ZNF536: variants seen among roughly 807,000 people sequenced by gnomAD.
The protein encoded by ZNF536 is zinc finger protein 536.
ZNF536 carries 13 observed loss-of-function variants against 84.5 expected under a neutral mutation model. The observed-to-expected ratio is 0.15, with a 90% CI of 0.10 to 0.24. The LOEUF (loss-of-function observed/expected upper bound fraction) is 0.24. ZNF536 is among the 10% of genes least tolerant of loss of function. The probability of loss-of-function intolerance (pLI) is 1.00; values close to 1 mark genes in which losing one functional copy is unlikely to be tolerated. For synonymous variants in ZNF536, 811 were observed against 742.5 expected (o/e 1.09, Z -1.50); for missense variants, 1,536 against 1,747.5 (o/e 0.88, Z 2.16).
intron 2 of ZNF536, among the ~76,000 whole-genome samples, chr19:30,530,847 G>T (rs956769522): frequency 3.3e-5 from 5 of 152,230 alleles, no homozygotes; most frequent in African/African-American, 4.8e-5. Context: ...AAGAGCAGAT[G>T]CACGTTCCCC....
At chr19:30,690,780 A>G (rs1022991756) in intron 1 of ZNF536, among the ~76,000 whole-genome samples, 21 of 152,174 alleles carry the variant, frequency 1.4e-4, no homozygotes, top group Admixed American at 1.3e-3. Flanking sequence ...GACTTACCTT[A>G]CAATTTGTGT....
At chr19:30,646,640 T>C (rs2049481395) in intron 1 of ZNF536, among the ~76,000 whole-genome samples, 2 of 152,200 alleles carry the variant, frequency 1.3e-5, no homozygotes, top group South Asian at 2.1e-4. Context: ...CACCTTTATT[T>C]GTGTTAATTA....
intron 1 of ZNF536, among the ~76,000 whole-genome samples, chr19:30,375,528 G>T (rs1399820708): frequency 6.6e-6 from 1 of 152,190 alleles, no homozygotes; most frequent in Non-Finnish European, 1.5e-5. Flanking sequence ...CTCTGCTGGG[G>T]AGCTCACCCC....
chr19:30,528,924 CAAA>C (rs75657998), intron 2 of ZNF536, among the ~76,000 whole-genome samples: 1 of 126,170 alleles, frequency 7.9e-6, no homozygotes. Context: ...AATGAGAGGC[CAAA>C]AAAAAAAAAA....
intron 1 of ZNF536, among the ~76,000 whole-genome samples, chr19:30,642,753 A>T (rs2147352175): frequency 6.6e-6 from 1 of 152,220 alleles, no homozygotes; most frequent in Middle Eastern, 3.4e-3. Context: ...TCAGGAGATG[A>T]TGCAAAGGCT....
At chr19:30,411,728 G>A (rs535243800) in intron 1 of ZNF536, among the ~76,000 whole-genome samples, 1 of 152,020 alleles carries the variant, frequency 6.6e-6, no homozygotes, top group Non-Finnish European at 1.5e-5. Context: ...TGATTTGATA[G>A]TACACATGCT....
chr19:30,330,531 A>T (rs577783059), intron 2 of ZNF536, among the ~76,000 whole-genome samples: 1 of 152,244 alleles, frequency 6.6e-6, no homozygotes, highest in South Asian at 2.1e-4. Flanking sequence ...CTACCAGTGG[A>T]TTTAGAAAAG....
intron 4 of ZNF536, among the ~76,000 whole-genome samples, chr19:30,551,814 C>T (rs532381207): frequency 2.0e-5 from 3 of 152,348 alleles, no homozygotes; most frequent in Admixed American, 6.5e-5. Flanking sequence ...AAGACCCTCC[C>T]TGGCTCTTGC....
chr19:30,685,480 C>A (rs1010897882), intron 1 of ZNF536, among the ~76,000 whole-genome samples: 4 of 152,126 alleles, frequency 2.6e-5, no homozygotes, highest in Admixed American at 6.5e-5. Flanking sequence ...CCCCATCCAG[C>A]TTGGCTCCTT....
intron 3 of ZNF536, among the ~76,000 whole-genome samples, chr19:30,364,979 C>T (rs760575896): frequency 2.0e-5 from 3 of 152,214 alleles, no homozygotes; most frequent in East Asian, 1.9e-4. Flanking sequence ...CTGCGCTTTA[C>T]GCCTTGATCA....
At chr19:30,577,873 G>A (rs907398247) in intron 1 of ZNF536, among the ~76,000 whole-genome samples, 22 of 152,176 alleles carry the variant, frequency 1.4e-4, no homozygotes, top group African/African-American at 5.1e-4. Context: ...CTTTTCAAAG[G>A]CCACATTCCA....
chr19:30,364,334 T>C (rs1489566347), intron 3 of ZNF536, among the ~76,000 whole-genome samples: 1 of 151,968 alleles, frequency 6.6e-6, no homozygotes, highest in African/African-American at 2.4e-5. Flanking sequence ...AAGACCAGCT[T>C]AGACAACATA....
At chr19:30,449,248 C>T (rs2052488841) in intron 2 of ZNF536, among the ~76,000 whole-genome samples, 1 of 152,296 alleles carries the variant, frequency 6.6e-6, no homozygotes, top group African/African-American at 2.4e-5. Context: ...CCTCCGTGTA[C>T]AATGCAAAGA....
intron 1 of ZNF536, among the ~76,000 whole-genome samples, chr19:30,384,094 C>A (rs1026147721): frequency 2.5e-4 from 23 of 93,100 alleles, no homozygotes; most frequent in African/African-American, 7.4e-4. Flanking sequence ...CTGCCCACCT[C>A]TTTCTCTTTC....
chr19:30,435,746 G>A (rs2051716802), intron 1 of ZNF536, among the ~76,000 whole-genome samples: 2 of 152,094 alleles, frequency 1.3e-5, no homozygotes, highest in Non-Finnish European at 1.5e-5. Flanking sequence ...TAGGCAGAAG[G>A]TGACCCAGGG....
intron 2 of ZNF536, among the ~76,000 whole-genome samples, chr19:30,309,845 C>T (rs905646785): frequency 5.3e-5 from 8 of 152,000 alleles, no homozygotes; most frequent in South Asian, 2.1e-4. Flanking sequence ...CGGCTTTGCT[C>T]GAAAAGTTTG....
At chr19:30,620,081 CATA>C (rs2048429276) in intron 1 of ZNF536, among the ~76,000 whole-genome samples, 5 of 149,338 alleles carry the variant, frequency 3.3e-5, no homozygotes, top group Non-Finnish European at 1.5e-5. Flanking sequence ...GTTCCTTTAC[CATA>C]ATAACAAGAA....
At chr19:30,700,058 T>C (rs1384900787) in intron 1 of ZNF536, among the ~76,000 whole-genome samples, 6 of 145,814 alleles carry the variant, frequency 4.1e-5, no homozygotes, top group Admixed American at 2.7e-4. Context: ...TCTCCCTCCC[T>C]CCGCCTCCCT....
chr19:30,368,244 GT>G (rs1197935113), upstream of ZNF536, among the ~76,000 whole-genome samples: 8 of 152,352 alleles, frequency 5.3e-5, no homozygotes, highest in African/African-American at 1.7e-4. Flanking sequence ...CGAAACACAA[GT>G]CGTGTTCTTC....
Sources: allele counts gnomAD v4.1 joint callset (sites outside exome capture counted in the v4.1 genomes callset), GRCh38; gene constraint gnomAD v4.1.1; transcripts MANE v1.5; gene names NCBI Gene and HGNC (gene_info 2026-07-23, HGNC 2026-07-21).